PLSCR4: variants seen among roughly 807,000 people sequenced by gnomAD.
PLSCR4 encodes the protein phospholipid scramblase 4, also known as Ca(2+)-dependent phospholipid scramblase 4.
PLSCR4 carries 25 observed loss-of-function variants against 36.3 expected under a neutral mutation model. That is an observed-to-expected ratio of 0.69 (90% CI 0.50 to 0.96). The LOEUF (loss-of-function observed/expected upper bound fraction) is 0.96. PLSCR4 is among the 40% of genes least tolerant of loss of function. PLSCR4 has a pLI of 0.00. For missense variants in PLSCR4, 408 were observed against 414.7 expected, an observed-to-expected ratio of 0.98 and a Z score of 0.14; for synonymous variants, 122 against 132.9, an observed-to-expected ratio of 0.92 and a Z score of 0.56.
chr3:146,222,293 GCAGA>G (rs1055170671), intron 1 of PLSCR4: 23 of 301,832 alleles, frequency 7.6e-5, no homozygotes, highest in African/African-American at 2.2e-4. Flanking sequence ...CAGCAATGAA[GCAGA>G]CAGACACTCT....
intron 5 of PLSCR4, among the ~76,000 whole-genome samples, chr3:146,200,311 A>G (rs1278867795): frequency 4.6e-5 from 7 of 152,130 alleles, no homozygotes; most frequent in African/African-American, 1.4e-4. Context: ...TTTTGTTTCA[A>G]TTCCTGGAGT....
intron 1 of PLSCR4, among the ~76,000 whole-genome samples, chr3:146,249,493 C>T (rs2036466626): frequency 6.6e-6 from 1 of 152,046 alleles, no homozygotes; most frequent in Non-Finnish European, 1.5e-5. Context: ...GTTTCATTTA[C>T]ACATCTGGTA....
At chr3:146,249,225 A>G (rs935188839) in intron 1 of PLSCR4, among the ~76,000 whole-genome samples, 6 of 152,094 alleles carry the variant, frequency 3.9e-5, no homozygotes, top group Non-Finnish European at 7.4e-5. Context: ...TCCCACATGC[A>G]ATGTGCACAA....
At chr3:146,232,778 A>T (rs1559923525) in intron 1 of PLSCR4, among the ~76,000 whole-genome samples, 1 of 152,128 alleles carries the variant, frequency 6.6e-6, no homozygotes, top group Non-Finnish European at 1.5e-5. Context: ...GAATCATATG[A>T]TCTGTGAAGA....
At chr3:146,248,727 T>G (rs9858823) in intron 1 of PLSCR4, among the ~76,000 whole-genome samples, 97,424 of 152,024 alleles carry the variant, frequency 0.64, 35,033 homozygotes, top group Non-Finnish European at 0.8. Context: ...ACAGAGATTT[T>G]TATTTGTACA....
chr3:146,214,664 T>C (rs1168449065), intron 3 of PLSCR4, among the ~76,000 whole-genome samples: 2 of 152,160 alleles, frequency 1.3e-5, no homozygotes, highest in Non-Finnish European at 2.9e-5. Flanking sequence ...ACTTGTTTCA[T>C]GACCTAACCA....
intron 4 of PLSCR4, among the ~76,000 whole-genome samples, chr3:146,205,357 A>G (rs35616919): frequency 0.33 from 49,834 of 151,734 alleles, 8,737 homozygotes; most frequent in South Asian, 0.45. Flanking sequence ...TGGACATATT[A>G]ATTTTACTAT....
chr3:146,195,059 C>T (rs2033643872), intron 8 of PLSCR4, 65 bp downstream of exon 8: 9 of 1,422,382 alleles, frequency 6.3e-6, no homozygotes, highest in Non-Finnish European at 8.9e-6. Flanking sequence ...CTTTATACTA[C>T]ACTATACTGC....
chr3:146,243,269 T>C (rs1405676636), intron 1 of PLSCR4, among the ~76,000 whole-genome samples: 8 of 152,106 alleles, frequency 5.3e-5, no homozygotes, highest in African/African-American at 1.9e-4. Context: ...AGTTTTAGGG[T>C]ACATGTGCAC....
intron 3 of PLSCR4, among the ~76,000 whole-genome samples, chr3:146,209,077 C>A (rs1339063310): frequency 6.6e-6 from 1 of 151,964 alleles, no homozygotes; most frequent in Admixed American, 6.6e-5. Context: ...TACTACTCAG[C>A]CATAAAAAGG....
At chr3:146,230,830 G>A (rs1399245030) in intron 1 of PLSCR4, among the ~76,000 whole-genome samples, 1 of 152,168 alleles carries the variant, frequency 6.6e-6, no homozygotes, top group African/African-American at 2.4e-5. Context: ...TTTAAGACAT[G>A]TTTTAATGGT....
At chr3:146,225,772 C>G (rs1048493650) in intron 1 of PLSCR4, among the ~76,000 whole-genome samples, 1 of 152,184 alleles carries the variant, frequency 6.6e-6, no homozygotes, top group Non-Finnish European at 1.5e-5. Flanking sequence ...CCAGCTGGCC[C>G]GCAAGCGCCG....
intron 1 of PLSCR4, among the ~76,000 whole-genome samples, chr3:146,228,642 A>G (rs1019464630): frequency 2.6e-5 from 4 of 152,044 alleles, no homozygotes; most frequent in Non-Finnish European, 5.9e-5. Flanking sequence ...TAAACTTTAA[A>G]AAGATCAGAA....
At position 146,200,015 on chromosome 3, in the gene PLSCR4, T is replaced by C. The variant is rs867730065; in HGVS notation, c.422A>G (p.Asn141Ser). 6.3e-7 allele frequency: 1 copy of C among 1,594,362 alleles called. No individual in the cohort carries two copies. Among genetic ancestry groups the C allele is most frequent in the Admixed American group, 1.7e-5 (1 of 59,760 alleles). ...TGAGTTGTTTTTAATATCATATCTATTATTAGTTTCAAAACATGTCATCAC... is the reference window on the plus strand; with the variant it reads ...TGAGTTGTTTTTAATATCATATCTACTATTAGTTTCAAAACATGTCATCAC... Reference protein sequence around the residue: ...LEMMTCFETNNRYDIKNNSDQ... With the variant: ...LEMMTCFETNSRYDIKNNSDQ... The change falls in exon 6 of 9, where the codon AAT becomes AGT. Residue 141 changes from asparagine to serine, a missense_variant. Physicochemically the swap from Asn to Ser is conservative, Grantham distance 46. Transcript: ENST00000354952.
chr3:146,208,389 A>ACT (rs751691819), intron 3 of PLSCR4, among the ~76,000 whole-genome samples: 8 of 152,248 alleles, frequency 5.3e-5, no homozygotes, highest in Non-Finnish European at 1.2e-4. Context: ...TCATGACCAA[A>ACT]AACCCAAAAG....
chr3:146,211,176 A>G lies in PLSCR4; in HGVS notation c.119-4415T>C, dbSNP rs181737812. Among the ~76,000 whole-genome samples the G allele has an allele frequency of 3.9e-5, 6 of 152,196 alleles. No homozygotes were observed. In the East Asian group the frequency reaches 1.2e-3, roughly 29 times the overall value. On this transcript the variant is annotated intron_variant, in intron 3 of 8. Transcript: ENST00000354952. ...TTTACAATTTCATGTCCACTTGCAA[A>G]TATGAGAGTTCTACTTTCTCCACAT...
At chr3:146,233,974 G>T (rs113710985) in intron 1 of PLSCR4, among the ~76,000 whole-genome samples, 1 of 46,810 alleles carries the variant, frequency 2.1e-5, no homozygotes, top group Non-Finnish European at 5.9e-5. Context: ...TTGAAATATA[G>T]TTCGAAGAGA....
intron 3 of PLSCR4, among the ~76,000 whole-genome samples, chr3:146,211,244 C>T (rs566932639): frequency 5.3e-5 from 8 of 152,138 alleles, no homozygotes; most frequent in Non-Finnish European, 1.0e-4. Flanking sequence ...TTTTAGTCAT[C>T]TTAGTGGGTA....
chr3:146,196,605 A>C (rs763328526), intron 7 of PLSCR4, 27 bp downstream of exon 7: 7 of 1,608,622 alleles, frequency 4.4e-6, no homozygotes, highest in Non-Finnish European at 5.1e-6. Context: ...GAAAAATATC[A>C]GAAACACTAT....
Sources: gnomAD v4.1 joint callset for allele counts (sites outside exome capture counted in the v4.1 genomes callset) on GRCh38, gnomAD v4.1.1 for gene constraint, MANE v1.5 for transcripts, NCBI Gene and HGNC (gene_info 2026-07-23, HGNC 2026-07-21) for gene names.